KMT2A: variants seen among roughly 807,000 people sequenced by gnomAD.
The protein encoded by KMT2A is histone-lysine N-methyltransferase 2A.
In KMT2A, 16 loss-of-function variants were observed where a neutral mutation model predicts 345.3. The ratio of observed to expected loss-of-function variants is 0.05; its 90% CI spans 0.03 to 0.07. KMT2A has a LOEUF of 0.07. KMT2A is among the 10% of genes least tolerant of loss of function. The pLI, the probability that KMT2A is intolerant of heterozygous loss-of-function variation, is 1.00. For missense variants in KMT2A, 3,272 were observed against 4,841.6 expected (o/e 0.68, Z 9.62); for synonymous variants, 1,599 against 1,778.6 (o/e 0.90, Z 2.54).
At chr11:118,514,335 G>A (rs1284179746) in intron 31 of KMT2A, among the ~76,000 whole-genome samples, 4 of 152,144 alleles carry the variant, frequency 2.6e-5, no homozygotes, top group African/African-American at 9.7e-5. Context: ...CTCTTCAGCC[G>A]GATTCATCTG....
Position 118,482,458 on chromosome 11 carries a change from G to A in KMT2A, c.4049G>A (p.Arg1350His), listed in dbSNP as rs1466298330. 3.1e-6 allele frequency: 5 copies of A among 1,612,850 alleles called. No homozygotes were observed. Among genetic ancestry groups the A allele is most frequent in the African/African-American group, 1.3e-5 (1 of 74,712 alleles). Reference protein sequence around the residue: ...EQSKQKKVAPRPSIPVKQKPK... With the variant: ...EQSKQKKVAPHPSIPVKQKPK... Reference sequence around the variant, plus strand: ...AGCAAACAGAAAAAAGTGGCTCCCCGCCCAAGTATCCCTGTAAAACAAAAA... The same window carrying A: ...AGCAAACAGAAAAAAGTGGCTCCCCACCCAAGTATCCCTGTAAAACAAAAA... Residue 1350 changes from arginine (R) to histidine (H), a missense_variant, in exon 8 of 36, where the codon CGC becomes CAC. Arg to His is a conservative substitution (Grantham distance 29). Around this residue, in one of 27 missense-constraint regions of KMT2A, gnomAD observed 168 missense variants for 216.0 expected, o/e 0.78. Transcript: ENST00000534358.
intron 1 of KMT2A, among the ~76,000 whole-genome samples, chr11:118,439,841 T>C (rs1949277484): frequency 6.6e-6 from 1 of 152,168 alleles, no homozygotes; most frequent in African/African-American, 2.4e-5. Flanking sequence ...TATGTGGTGT[T>C]TGAGGCAATC....
rs1555046493 is a variant in KMT2A at position 118,503,173 on chromosome 11, T to C, written c.7281T>C (p.Asp2427=). 2 of 1,613,950 alleles carry C rather than the reference T, an allele frequency of 1.2e-6. No homozygotes were observed. Among genetic ancestry groups the C allele is most frequent in the Admixed American group, 1.7e-5 (1 of 60,010 alleles). Residue 2427 remains aspartate, a synonymous_variant, in exon 27 of 36, where the codon GAT becomes GAC. Transcript: ENST00000534358. This position sits in a 1 kb window ranked among gnomAD's most constrained non-coding sequence, Gnocchi z 5.3. ...INEHMGSSSR[D]RRQKGKKSCK... ...AACATATGGGATCTAGTTCCAGAGA[T>C]AGGAGACAGAAAGGGAAAAAATCCT...
chr11:118,494,848 C>T lies in KMT2A; in HGVS notation c.5363+81C>T. ...TCTCATATTTCTAGATTGCAGTTTTCCAAAAGGTTTTAATACTAGAAATGA... is the reference window on the plus strand; with the variant it reads ...TCTCATATTTCTAGATTGCAGTTTTTCAAAAGGTTTTAATACTAGAAATGA... On this transcript the variant is annotated intron_variant, in intron 18 of 35. Coordinates refer to ENST00000534358, the MANE Select transcript of KMT2A (RefSeq NM_001197104.2). This position sits in a 1 kb window ranked among gnomAD's most constrained non-coding sequence, Gnocchi z 5.8. The T allele has an allele frequency of 8.7e-7, 1 of 1,144,606 alleles. No individual in the cohort carries two copies. Among genetic ancestry groups the T allele is most frequent in the Non-Finnish European group, 1.3e-6 (1 of 770,386 alleles). 70.9% of individuals were successfully genotyped at this position (1,144,606 alleles called of 1,614,324 possible).
Position 118,498,354 on chromosome 11 carries a change from CT to C in KMT2A, c.5803-11del, listed in dbSNP as rs2134366309. The C allele has an allele frequency of 6.2e-7, 1 of 1,604,290 alleles. No individual in the cohort carries two copies. The stretch of plus-strand genomic sequence containing the variant: ...ATGAAAGTCTGAATAGGACTCTGTT[CT>C]TTTTGGATTTTTAGAGATGTGAATT... On this transcript the variant is annotated splice_polypyrimidine_tract_variant and intron_variant, in intron 21 of 35. Transcript: ENST00000534358. The surrounding 1 kb of genome is among the most constrained non-coding windows in gnomAD (Gnocchi z 4.4).
rs1555035972 is a variant in KMT2A, at chr11:118,472,605, C to G, written c.1446C>G (p.Pro482=). 6.2e-7 allele frequency: 1 copy of G among 1,611,806 alleles called. No individual in the cohort carries two copies. Among genetic ancestry groups the G allele is most frequent in the East Asian group, 2.2e-5 (1 of 44,852 alleles). Residue 482 remains proline, a synonymous_variant, in exon 3 of 36, where the codon CCC becomes CCG. Coordinates refer to ENST00000534358, the MANE Select transcript of KMT2A (RefSeq NM_001197104.2). ...MSSDSSRSSS[P]SVDTSTDSQA... Reference sequence around the variant, plus strand: ...CAGACTCCTCTCGATCTAGTAGCCCCAGTGTTGATACCTCCACAGACTCTC... The same window carrying G: ...CAGACTCCTCTCGATCTAGTAGCCCGAGTGTTGATACCTCCACAGACTCTC...
At chr11:118,489,755 A>G (rs782286910) in intron 11 of KMT2A, 37 bp from the exon 12 acceptor site, 2 of 1,564,464 alleles carry the variant, frequency 1.3e-6, no homozygotes, top group East Asian at 2.2e-5. Flanking sequence ...TGAAGGTAAT[A>G]TGATGCTTAT....
In KMT2A at chr11:118,504,634, CTCT is replaced by C; in HGVS notation, c.8745_8747del (p.Ser2917del). 6.2e-7 allele frequency: 1 copy of C among 1,614,116 alleles called. No homozygotes were observed. The highest frequency in any genetic ancestry group is 8.5e-7 in the Non-Finnish European group (1 of 1,179,984). On this transcript the variant is annotated inframe_deletion, in exon 27 of 36. Transcript: ENST00000534358. This position sits in a 1 kb window ranked among gnomAD's most constrained non-coding sequence, Gnocchi z 6.4. ...CAACAGAACCTGTGGATAGTAGTGT[CTCT>C]TCCTCTATCTCAGCAGAGGAACAGT...
Position 118,485,176 on chromosome 11 carries a change from A to G in KMT2A, c.4332+201A>G, listed in dbSNP as rs1373681782. On this transcript the variant is annotated intron_variant, in intron 10 of 35. Coordinates refer to ENST00000534358, the MANE Select transcript of KMT2A (RefSeq NM_001197104.2). Reference sequence around the variant, plus strand: ...CAAAGTTATTGAGAGTGAAAAGATCAATAATCCCATCTCTCTTAAATTCAG... The same window carrying G: ...CAAAGTTATTGAGAGTGAAAAGATCGATAATCCCATCTCTCTTAAATTCAG... Among the ~76,000 whole-genome samples the G allele has an allele frequency of 2.6e-5, 4 of 152,240 alleles. 1 individual carries two copies. Among genetic ancestry groups the G allele is most frequent in the Non-Finnish European group, 5.9e-5 (4 of 68,034 alleles).
rs1555035962 is a variant in KMT2A, at chr11:118,472,584, C to A, written c.1425C>A (p.Asp475Glu). The A allele has an allele frequency of 6.2e-7, 1 of 1,612,028 alleles. No homozygotes were observed. The highest frequency in any genetic ancestry group is 1.7e-5 in the Admixed American group (1 of 59,558). The change falls in exon 3 of 36, where the codon GAC becomes GAA. Residue 475 changes from aspartate (D) to glutamate (E), a missense_variant. This residue lies in a region of KMT2A where 180 missense variants were observed against 190.7 expected (regional missense o/e 0.94). Coordinates refer to ENST00000534358, the MANE Select transcript of KMT2A (RefSeq NM_001197104.2). ...ASQHSSQMSS[D>E]SSRSSSPSVD... ...AGCACTCCTCTCAAATGTCTTCAGA[C>A]TCCTCTCGATCTAGTAGCCCCAGTG...
chr11:118,461,847 A>G (rs1409030235), intron 1 of KMT2A, among the ~76,000 whole-genome samples: 2 of 152,078 alleles, frequency 1.3e-5, no homozygotes, highest in Non-Finnish European at 2.9e-5. Flanking sequence ...CTTGTTTCCA[A>G]CCTCCAGGGA....
chr11:118,491,049 G>A lies in KMT2A; in HGVS notation c.4697-147G>A, dbSNP rs753487084. 1 of 670,686 alleles carries A rather than the reference G, an allele frequency of 1.5e-6. No homozygotes were observed. The highest frequency in any genetic ancestry group is 2.4e-6 in the Non-Finnish European group (1 of 423,438). The allele number at this position is 670,686 out of a possible 1,614,324, so 41.5% of individuals were successfully genotyped here. A position where few individuals can be genotyped will look rare whatever the true frequency, so the allele number is the denominator to read the frequency against. Reference sequence around the variant, plus strand: ...TCAGAATAATCTTGAGACTGCAGATGTGTGAACATTCCACAGTAGATCCAT... The same window carrying A: ...TCAGAATAATCTTGAGACTGCAGATATGTGAACATTCCACAGTAGATCCAT... On this transcript the variant is annotated intron_variant, in intron 13 of 35. Coordinates refer to ENST00000534358, the MANE Select transcript of KMT2A (RefSeq NM_001197104.2). The surrounding 1 kb of genome is among the most constrained non-coding windows in gnomAD (Gnocchi z 4.2).
At chr11:118,456,630 G>A (rs899530545) in intron 1 of KMT2A, among the ~76,000 whole-genome samples, 3 of 152,120 alleles carry the variant, frequency 2.0e-5, no homozygotes, top group African/African-American at 4.8e-5. Flanking sequence ...GAGCCGCCGC[G>A]CCTGGCATGC....
Position 118,481,785 on chromosome 11 carries a change from G to A in KMT2A, c.3705G>A (p.Lys1235=). The change falls in exon 7 of 36, where the codon AAG becomes AAA. Residue 1235 remains lysine (K), a synonymous_variant. Transcript: ENST00000534358. Reference sequence around the variant, plus strand: ...ACAGCAAAGAGAGCAGTGTTGTGAAGAACGTGGTGGACTCTAGTCAGAAAC... The same window carrying A: ...ACAGCAAAGAGAGCAGTGTTGTGAAAAACGTGGTGGACTCTAGTCAGAAAC... The part of the protein sequence containing the change: ...KKDSKESSVV[K]NVVDSSQKPT... 6.2e-7 allele frequency: 1 copy of A among 1,614,212 alleles called. No homozygotes were observed. The highest frequency in any genetic ancestry group is 2.2e-5 in the East Asian group (1 of 44,894).
Position 118,475,710 on chromosome 11 carries a change from G to A in KMT2A, c.3157-1095G>A, listed in dbSNP as rs9332779. Among the ~76,000 whole-genome samples, 1,118 of 152,210 alleles carry A rather than the reference G, an allele frequency of 7.3e-3. 12 individuals carry two copies. The highest frequency in any genetic ancestry group is 0.026 in the African/African-American group (1,073 of 41,524). On this transcript the variant is annotated intron_variant, in intron 3 of 35. Transcript: ENST00000534358. ...TACACTCCAGCCTGGGTGACAGGGCGAGACTCCGTCTCTAAAAAAATAAAT... is the reference window on the plus strand; with the variant it reads ...TACACTCCAGCCTGGGTGACAGGGCAAGACTCCGTCTCTAAAAAAATAAAT...
chr11:118,461,748 G>A (rs1247829420), intron 1 of KMT2A, among the ~76,000 whole-genome samples: 2 of 152,112 alleles, frequency 1.3e-5, no homozygotes, highest in Non-Finnish European at 2.9e-5. Context: ...GGATTTAATT[G>A]TAGCTTCTTT....
intron 31 of KMT2A, among the ~76,000 whole-genome samples, chr11:118,512,803 GTTTTT>G (rs782638304): frequency 2.3e-5 from 3 of 130,416 alleles, no homozygotes; most frequent in Non-Finnish European, 3.3e-5. Context: ...CCTGTTTTTT[GTTTTT>G]TTTTTTTTAT....
intron 1 of KMT2A, among the ~76,000 whole-genome samples, chr11:118,440,163 C>A (rs1555139753): frequency 6.6e-6 from 1 of 152,186 alleles, no homozygotes; most frequent in Non-Finnish European, 1.5e-5. Context: ...GCCTATGTAA[C>A]AACACCTATG....
chr11:118,478,136 T>C lies in KMT2A; in HGVS notation c.3504T>C (p.Gly1168=). The change falls in exon 5 of 36, where the codon GGT becomes GGC. Residue 1168 remains glycine (G), a synonymous_variant. Transcript: ENST00000534358. ...GCTGCCAGGTGCCTGAGGACTGTGG[T>C]GTTTGTACTAATTGCTTAGATAAGC... The part of the protein sequence containing the change: ...CPGCQVPEDC[G]VCTNCLDKPK... 1 of 1,614,098 alleles carries C rather than the reference T, an allele frequency of 6.2e-7. No homozygotes were observed. The highest frequency in any genetic ancestry group is 8.5e-7 in the Non-Finnish European group (1 of 1,180,024).
Sources: gnomAD v4.1 joint callset for allele counts (sites outside exome capture counted in the v4.1 genomes callset) on GRCh38, gnomAD v4.1.1 for gene constraint, gnomAD v4.1.1 regional missense constraint, Gnocchi (gnomAD v3.1) non-coding constraint, MANE v1.5 for transcripts, NCBI Gene and HGNC (gene_info 2026-07-23, HGNC 2026-07-21) for gene names.